Variants in PLA2G4B observed in about 807,000 individuals in gnomAD.
The protein encoded by PLA2G4B is phospholipase A2 group IVB.
Under a neutral mutation model 95.8 loss-of-function variants are expected in PLA2G4B, and 122 were observed. The observed-to-expected ratio is 1.27, with a 90% confidence interval of 1.10 to 1.48. The LOEUF is 1.48. Ranked by LOEUF, PLA2G4B falls within the 40% of genes most tolerant of loss-of-function variation. The probability of loss-of-function intolerance (pLI) is 0.00; values close to 1 mark genes in which losing one functional copy is unlikely to be tolerated. For missense variants in PLA2G4B, 1,158 were observed against 996.2 expected (o/e 1.16, Z -2.19); for synonymous variants, 518 against 421.5 (o/e 1.23, Z -2.80).
At chr15:41,847,566 C>T in intron 19 of PLA2G4B, 43 bp downstream of exon 19, 1 of 1,605,504 alleles carries the variant, frequency 6.2e-7, no homozygotes, top group Non-Finnish European at 8.5e-7. Flanking sequence ...CCCAGTCCCC[C>T]ACACCTCCTC....
chr15:41,846,861 G>C, intron 18 of PLA2G4B, 26 bp downstream of exon 18: 1 of 1,587,834 alleles, frequency 6.3e-7, no homozygotes. Context: ...CAGCCCACCA[G>C]GGAGGCGGTG....
In PLA2G4B at chr15:41,846,725, C is replaced by G. The variant is rs1249344061; in HGVS notation, c.1837C>G (p.Leu613Val). Residue 613 changes from leucine (L) to valine (V), a missense_variant, in exon 18 of 20, where the codon CTG (leucine) becomes GTG (valine). By Grantham distance (32) the Leu-to-Val change is conservative. Transcript: ENST00000458483. ...GACACCCTCGGAGCCCCACCTGTGC[C>G]TGCTGGATGTTGGCTACCTCATCAA... Reference protein sequence around the residue: ...QLTPSEPHLCLLDVGYLINTS... With the variant: ...QLTPSEPHLCVLDVGYLINTS... 1.9e-6 allele frequency: 3 copies of G among 1,613,912 alleles called. No individual in the cohort carries two copies. Among genetic ancestry groups the G allele is most frequent in the African/African-American group, 2.7e-5 (2 of 74,932 alleles).
intron 11 of PLA2G4B, 90 bp from the exon 12 acceptor site, chr15:41,844,381 G>C: frequency 6.3e-7 from 1 of 1,596,534 alleles, no homozygotes; most frequent in Non-Finnish European, 8.5e-7. Context: ...CTGTGGGCTG[G>C]GTGGCCACTT....
rs778405616 is a variant in PLA2G4B, at chr15:41,841,096, G to C, written c.392+1G>C. On this transcript the variant is annotated splice_donor_variant, in intron 5 of 19. Coordinates refer to ENST00000458483, the MANE Select transcript of PLA2G4B (RefSeq NM_001114633.2). LOFTEE classifies it high-confidence loss of function. ...AAGTTGAATTTCGCCTGCAGAGTCTGTGAGTCAGGGGCCTGGGGCAGTTTG... is the reference window on the plus strand; with the variant it reads ...AAGTTGAATTTCGCCTGCAGAGTCTCTGAGTCAGGGGCCTGGGGCAGTTTG... The C allele has an allele frequency of 6.3e-7, 1 of 1,599,818 alleles. No individual in the cohort carries two copies. Among genetic ancestry groups the C allele is most frequent in the Admixed American group, 1.7e-5 (1 of 59,186 alleles).
chr15:41,841,429 C>T, intron 6 of PLA2G4B, 88 bp from the exon 7 acceptor site: 1 of 1,610,158 alleles, frequency 6.2e-7, no homozygotes, highest in Non-Finnish European at 8.5e-7. Flanking sequence ...TAATGAAGTG[C>T]AGACCAGCAG....
At position 41,846,059 on chromosome 15, in the gene PLA2G4B, G is replaced by C. The variant is rs116467590; in HGVS notation, c.1600+12G>C. 1.3e-6 allele frequency: 2 copies of C among 1,569,490 alleles called. No individual in the cohort carries two copies. Among genetic ancestry groups the C allele is most frequent in the Non-Finnish European group, 1.7e-6 (2 of 1,156,398 alleles). ...CCAGGCCAACCTGGGTAAGTGCTCC[G>C]GGCCCTTCATAAGGGTGCCAAGGGG... On this transcript the variant is annotated intron_variant, in intron 16 of 19. Coordinates refer to ENST00000458483, the MANE Select transcript of PLA2G4B (RefSeq NM_001114633.2).
At chr15:41,844,671 C>T (rs1194856453) in intron 12 of PLA2G4B, 64 bp downstream of exon 12, 20 of 1,609,490 alleles carry the variant, frequency 1.2e-5, no homozygotes, top group Non-Finnish European at 1.6e-5. Flanking sequence ...CAGGGTTCTC[C>T]TAGGCCTCTG....
Position 41,840,203 on chromosome 15 carries a change from GCCCAT to G in PLA2G4B, c.57_61del (p.His20ProfsTer4). ...CCTGCTCACGGTTCGTGTCCTGCAG[GCCCAT>G]CGCCTACCCTCTAAGGACCTAGGTG... On this transcript the variant is annotated frameshift_variant, in exon 2 of 20. Transcript: ENST00000458483. LOFTEE classifies it high-confidence loss of function. 1 of 1,613,258 alleles carries G rather than the reference GCCCAT, an allele frequency of 6.2e-7. No homozygotes were observed. Among genetic ancestry groups the G allele is most frequent in the Non-Finnish European group, 8.5e-7 (1 of 1,180,004 alleles).
At chr15:41,841,680 G>A in intron 7 of PLA2G4B, 109 bp downstream of exon 7, 7 of 1,568,650 alleles carry the variant, frequency 4.5e-6, no homozygotes, top group African/African-American at 2.7e-5. Flanking sequence ...AGGCCTTCTC[G>A]GGGGACTGTG....
At chr15:41,842,080 C>T in intron 8 of PLA2G4B, 113 bp from the exon 9 acceptor site, 1 of 1,564,528 alleles carries the variant, frequency 6.4e-7, no homozygotes, top group Non-Finnish European at 8.7e-7. Context: ...CCATGCTGGC[C>T]TCCCCTTCCC....
intron 11 of PLA2G4B, 105 bp downstream of exon 11, chr15:41,843,916 C>T (rs2065484166): frequency 6.7e-7 from 1 of 1,483,036 alleles, no homozygotes; most frequent in African/African-American, 1.4e-5. Flanking sequence ...GAGCTCGTAG[C>T]TGCCTGTCCC....
At chr15:41,838,998 T>G in intron 1 of PLA2G4B, 76 bp downstream of exon 1, 1 of 1,227,956 alleles carries the variant, frequency 8.1e-7, no homozygotes, top group African/African-American at 1.5e-5. Flanking sequence ...ATGTTTCTTA[T>G]GGGAGCTGTG....
In PLA2G4B at chr15:41,840,547, ACT is replaced by A. The variant is rs747452019; in HGVS notation, c.111_112del (p.Trp38AlafsTer19). On this transcript the variant is annotated frameshift_variant, in exon 3 of 20. Transcript: ENST00000458483. LOFTEE classifies it high-confidence loss of function. ...DLVTPSDCYV[T>X]LWLPTACSHR... ...AGTGACCCCCTCTGACTGCTACGTG[ACT>A]CTCTGGCTGCCCACGGCCTGCAGCC... The A allele has an allele frequency of 4.1e-5, 66 of 1,613,288 alleles. No individual in the cohort carries two copies. The highest frequency in any genetic ancestry group is 5.1e-5 in the Non-Finnish European group (60 of 1,179,912).
rs1387650577 is a variant in PLA2G4B at position 41,838,931 on chromosome 15, TGGCAG to T, written c.9+13_9+17del. ...TCAGTCTCATGGCTGTGGTAAGGCCTGGCAGGGCCCTGGGTCCCTACTGGGACCCC... is the reference window on the plus strand; with the variant it reads ...TCAGTCTCATGGCTGTGGTAAGGCCTGGCCCTGGGTCCCTACTGGGACCCC... On this transcript the variant is annotated intron_variant, in intron 1 of 19. Transcript: ENST00000458483. 2 of 1,590,774 alleles carry T rather than the reference TGGCAG, an allele frequency of 1.3e-6. No individual in the cohort carries two copies.
rs753862978 is a variant in PLA2G4B, at chr15:41,845,686, C to A, written c.1406C>A (p.Ala469Asp). ...GAGGTCGGCTTCCCCAAGTACGGGG[C>A]CTTCATCCCCTCTGAGCTCTTTGGC... ...PYEVGFPKYG[A>D]FIPSELFGSE... Residue 469 changes from alanine (A) to aspartate (D), a missense_variant, in exon 15 of 20, where the codon GCC (alanine) becomes GAC (aspartate). Coordinates refer to ENST00000458483, the MANE Select transcript of PLA2G4B (RefSeq NM_001114633.2). The A allele has an allele frequency of 6.2e-7, 1 of 1,614,076 alleles. No homozygotes were observed. The highest frequency in any genetic ancestry group is 1.1e-5 in the South Asian group (1 of 91,076).
intron 1 of PLA2G4B, chr15:41,839,882 G>T: frequency 2.4e-6 from 1 of 408,482 alleles, no homozygotes; most frequent in East Asian, 4.2e-5. Context: ...GTGGGCCATC[G>T]TAAATAGTAT....
chr15:41,843,221 C>T (rs1377922868), intron 10 of PLA2G4B: 1 of 156,008 alleles, frequency 6.4e-6, no homozygotes, highest in East Asian at 1.9e-4. Context: ...GCTGGGATTA[C>T]AGGTGCCCAC....
chr15:41,841,700 C>A, intron 7 of PLA2G4B, 119 bp from the exon 8 acceptor site: 1 of 1,560,828 alleles, frequency 6.4e-7, no homozygotes, highest in Non-Finnish European at 8.7e-7. Context: ...GGTGGGGGAT[C>A]CATCTCCACC....
chr15:41,841,389 G>T (rs2065429859), intron 6 of PLA2G4B, 116 bp downstream of exon 6: 3 of 1,608,494 alleles, frequency 1.9e-6, no homozygotes, highest in Non-Finnish European at 2.5e-6. Context: ...ATTTCAGTTT[G>T]TTAAGGGAAT....
Sources: gnomAD v4.1 joint callset for allele counts on GRCh38, gnomAD v4.1.1 for gene constraint, MANE v1.5 for transcripts, NCBI Gene and HGNC (gene_info 2026-07-23, HGNC 2026-07-21) for gene names.